Variants in SHANK2 observed in about 807,000 individuals in gnomAD.
The protein encoded by SHANK2 is SH3 and multiple ankyrin repeat domains protein 2.
Under a neutral mutation model 133.7 loss-of-function variants are expected in SHANK2, and 43 were observed. The observed-to-expected ratio is 0.32, with a 90% CI of 0.25 to 0.41. The LOEUF (loss-of-function observed/expected upper bound fraction) is 0.41, where lower values mean the gene tolerates loss of function less well. Ranked by LOEUF, SHANK2 falls within the 10% of genes least tolerant of loss-of-function variation. The pLI is 1.00. For missense variants in SHANK2, 1,994 were observed against 2,235.8 expected (o/e 0.89, Z 2.18); for synonymous variants, 1,017 against 952.8 (o/e 1.07, Z -1.24).
intron 11 of SHANK2, among the ~76,000 whole-genome samples, chr11:70,894,551 G>A (rs1010577657): frequency 1.3e-5 from 2 of 152,156 alleles, no homozygotes; most frequent in African/African-American, 4.8e-5. Context: ...GAGGAAGGGT[G>A]GCTGTGACTC....
At chr11:70,946,342 T>C in intron 10 of SHANK2, among the ~76,000 whole-genome samples, 2 of 136,908 alleles carry the variant, frequency 1.5e-5, no homozygotes, top group Non-Finnish European at 3.1e-5. Context: ...AGGATCAGCC[T>C]CCCTCTCCAC....
intron 2 of SHANK2, chr11:71,174,605 A>T (rs1172834502): frequency 6.7e-6 from 1 of 148,640 alleles, no homozygotes; most frequent in Admixed American, 6.8e-5. Flanking sequence ...ACCTGAACCC[A>T]GGAGGCAGAG....
At chr11:71,246,323 G>C (rs527610111) in intron 1 of SHANK2, among the ~76,000 whole-genome samples, 50 of 152,202 alleles carry the variant, frequency 3.3e-4, no homozygotes, top group African/African-American at 1.2e-3. Flanking sequence ...AGGACTCTAG[G>C]TGCTGACTCT....
chr11:70,586,020 T>C (rs1311772676), intron 17 of SHANK2, among the ~76,000 whole-genome samples: 3 of 152,132 alleles, frequency 2.0e-5, no homozygotes, highest in Non-Finnish European at 4.4e-5. Flanking sequence ...AAAAGACCGA[T>C]TCAACCCTGA....
intron 17 of SHANK2, among the ~76,000 whole-genome samples, chr11:70,539,782 C>T (rs1206148157): frequency 6.6e-6 from 1 of 152,058 alleles, no homozygotes; most frequent in African/African-American, 2.4e-5. Flanking sequence ...CCGGGGGGGC[C>T]GTAGCAGAGG....
chr11:71,085,597 T>TATATATA (rs1555092597), intron 8 of SHANK2, among the ~76,000 whole-genome samples: 37 of 85,252 alleles, frequency 4.3e-4, no homozygotes, highest in African/African-American at 1.4e-3. Context: ...TTATATAATA[T>TATATATA]ATATATTAAA....
At chr11:70,818,701 C>G (rs782298374) in intron 12 of SHANK2, among the ~76,000 whole-genome samples, 6 of 152,182 alleles carry the variant, frequency 3.9e-5, no homozygotes, top group Non-Finnish European at 7.3e-5. Context: ...TTGTTTGGCT[C>G]TGGTGGGAAG....
intron 6 of SHANK2, among the ~76,000 whole-genome samples, chr11:71,105,482 A>C (rs914809053): frequency 3.3e-5 from 5 of 150,886 alleles, no homozygotes; most frequent in African/African-American, 1.2e-4. Context: ...AATCCCAGCT[A>C]CCAGGAGGCT....
intron 17 of SHANK2, among the ~76,000 whole-genome samples, chr11:70,595,232 C>A (rs1287256386): frequency 6.6e-6 from 1 of 152,150 alleles, no homozygotes; most frequent in African/African-American, 2.4e-5. Context: ...GCCAGGAGGG[C>A]AGTTTGAAGG....
chr11:70,731,711 A>C (rs1183071125), intron 14 of SHANK2, among the ~76,000 whole-genome samples: 1 of 152,176 alleles, frequency 6.6e-6, no homozygotes, highest in Non-Finnish European at 1.5e-5. Context: ...GCTGCTGTGA[A>C]CATCTGTGCA....
intron 17 of SHANK2, among the ~76,000 whole-genome samples, chr11:70,635,753 C>T (rs1271934065): frequency 4.8e-5 from 7 of 144,468 alleles, no homozygotes; most frequent in African/African-American, 1.7e-4. Flanking sequence ...CAAAGTATAA[C>T]TGTAAAAAAA....
chr11:70,662,293 C>G (rs1944569139), intron 15 of SHANK2: 2 of 168,966 alleles, frequency 1.2e-5, no homozygotes, highest in African/African-American at 4.8e-5. Flanking sequence ...CCTCCCTCTC[C>G]CGTCCCGGCG....
At chr11:71,124,565 T>C (rs1555102329) in intron 3 of SHANK2, among the ~76,000 whole-genome samples, 1 of 152,106 alleles carries the variant, frequency 6.6e-6, no homozygotes, top group East Asian at 1.9e-4. Context: ...AATAATATTA[T>C]TCTCATTCTC....
In SHANK2 at chr11:70,523,916, C is replaced by A. The variant is rs555791186; in HGVS notation, c.2062-20985G>T. Reference sequence around the variant, plus strand: ...CCTCCCTCCCCTGTGCTGCTCCGCACGGCCACTGCATGCTGGCTTCAAGGC... The same window carrying A: ...CCTCCCTCCCCTGTGCTGCTCCGCAAGGCCACTGCATGCTGGCTTCAAGGC... On this transcript the variant is annotated intron_variant, in intron 17 of 25. Transcript: ENST00000601538. Among the ~76,000 whole-genome samples the A allele has an allele frequency of 1.4e-4, 21 of 152,288 alleles. No homozygotes were observed. In the East Asian group the frequency reaches 4.1e-3, roughly 29 times the overall value.
intron 11 of SHANK2, among the ~76,000 whole-genome samples, chr11:70,842,780 G>A (rs975008224): frequency 1.3e-5 from 2 of 152,212 alleles, no homozygotes; most frequent in African/African-American, 2.4e-5. Flanking sequence ...GAGGCAGCAC[G>A]CAGGGTCTCC....
At chr11:70,635,663 C>T (rs2061066027) in intron 17 of SHANK2, among the ~76,000 whole-genome samples, 1 of 151,904 alleles carries the variant, frequency 6.6e-6, no homozygotes, top group African/African-American at 2.4e-5. Context: ...GTACTTAATG[C>T]CACTGAAATG....
intron 12 of SHANK2, among the ~76,000 whole-genome samples, chr11:70,809,861 C>T (rs2135286017): frequency 6.6e-6 from 1 of 152,288 alleles, no homozygotes; most frequent in East Asian, 1.9e-4. Flanking sequence ...TCCCTGTCCC[C>T]TGTCCCTAGG....
At chr11:71,078,469 T>C (rs925233257) in intron 8 of SHANK2, among the ~76,000 whole-genome samples, 10 of 152,208 alleles carry the variant, frequency 6.6e-5, no homozygotes, top group African/African-American at 1.9e-4. Flanking sequence ...ATGCCAAAAC[T>C]GTCAGGTGAA....
At chr11:70,528,583 G>C (rs2059428341) in intron 17 of SHANK2, among the ~76,000 whole-genome samples, 1 of 152,116 alleles carries the variant, frequency 6.6e-6, no homozygotes, top group South Asian at 2.1e-4. Flanking sequence ...ATGGGGAGGG[G>C]GGCTCCTGCA....
Sources: allele counts gnomAD v4.1 joint callset (sites outside exome capture counted in the v4.1 genomes callset), GRCh38; gene constraint gnomAD v4.1.1; transcripts MANE v1.5; gene names NCBI Gene and HGNC (gene_info 2026-07-23, HGNC 2026-07-21).